The following MAP2K5 variants were observed in gnomAD, a reference collection of about 807,000 sequenced individuals.
MAP2K5 encodes the protein dual specificity mitogen-activated protein kinase kinase 5.
In MAP2K5, 49 loss-of-function variants were observed where a neutral mutation model predicts 83.1. That is an observed-to-expected ratio of 0.59 (90% CI 0.47 to 0.75). The LOEUF is 0.75. Among genes scored for constraint, MAP2K5 ranks in the 30% least tolerant of loss-of-function variants. The pLI is 0.00. For missense variants in MAP2K5, 457 were observed against 557.5 expected, an observed-to-expected ratio of 0.82 and a Z score of 1.82; for synonymous variants, 202 against 191.8, an observed-to-expected ratio of 1.05 and a Z score of -0.44.
rs762859444 is a variant in MAP2K5, at chr15:67,555,828, G to A, written c.184+5746G>A. ...AGACGCAGTCTCACTCTGTCGCCCA[G>A]GCTGGAGTGCAGTGGTGTGATCTCG... On this transcript the variant is annotated intron_variant, in intron 2 of 21. Coordinates refer to ENST00000178640, the MANE Select transcript of MAP2K5 (RefSeq NM_145160.3). This position sits in a 1 kb window ranked among gnomAD's most constrained non-coding sequence, Gnocchi z 5.2. 2.2e-4 allele frequency among the ~76,000 whole-genome samples: 33 copies of A among 151,164 alleles called. No individual in the cohort carries two copies. The highest frequency in any genetic ancestry group is 5.9e-4 in the Admixed American group (9 of 15,184).
chr15:67,714,090 A>G (rs2088767880), intron 16 of MAP2K5, among the ~76,000 whole-genome samples: 1 of 152,176 alleles, frequency 6.6e-6, no homozygotes, highest in African/African-American at 2.4e-5. Flanking sequence ...GCTGGGATAC[A>G]TTGGCAAACA....
In MAP2K5 at chr15:67,651,788, C is replaced by A. The variant is rs1045674637; in HGVS notation, c.736+5319C>A. On this transcript the variant is annotated intron_variant, in intron 11 of 21. Coordinates refer to ENST00000178640, the MANE Select transcript of MAP2K5 (RefSeq NM_145160.3). Reference sequence around the variant, plus strand: ...ATGGACACTCAGATTGATTTCATATCTTGGCTATTGTGAATAGTGCTGCAG... The same window carrying A: ...ATGGACACTCAGATTGATTTCATATATTGGCTATTGTGAATAGTGCTGCAG... Among the ~76,000 whole-genome samples the A allele has an allele frequency of 3.7e-4, 57 of 152,114 alleles. 1 individual carries two copies. Among genetic ancestry groups the A allele is most frequent in the African/African-American group, 1.4e-3 (57 of 41,422 alleles).
At position 67,561,651 on chromosome 15, in the gene MAP2K5, A is replaced by T. The variant is rs1477436897; in HGVS notation, c.185-1632A>T. Among the ~76,000 whole-genome samples the T allele has an allele frequency of 6.6e-6, 1 of 152,204 alleles. No homozygotes were observed. The highest frequency in any genetic ancestry group is 1.9e-4 in the East Asian group (1 of 5,196). ...AGAAACAAGTGCTTGGAAAGAAAAC[A>T]AGTGCTTGGAAAGAGTGAGAGCTAT... On this transcript the variant is annotated intron_variant, in intron 2 of 21. Coordinates refer to ENST00000178640, the MANE Select transcript of MAP2K5 (RefSeq NM_145160.3). This position sits in a 1 kb window ranked among gnomAD's most constrained non-coding sequence, Gnocchi z 4.2.
chr15:67,805,764 A>C (rs2090792418), intron 21 of MAP2K5, among the ~76,000 whole-genome samples: 1 of 152,322 alleles, frequency 6.6e-6, no homozygotes, highest in East Asian at 1.9e-4. Flanking sequence ...ACTTGGTGTA[A>C]GTTCCTGGGC....
At chr15:67,588,704 G>T (rs1218754486) in intron 6 of MAP2K5, among the ~76,000 whole-genome samples, 1 of 152,200 alleles carries the variant, frequency 6.6e-6, no homozygotes, top group Non-Finnish European at 1.5e-5. Context: ...TTTCTGATAT[G>T]ACATTATTTC....
intron 17 of MAP2K5, among the ~76,000 whole-genome samples, chr15:67,730,982 T>C (rs1221052507): frequency 6.6e-6 from 1 of 152,168 alleles, no homozygotes; most frequent in Non-Finnish European, 1.5e-5. Context: ...TTCTATCTGA[T>C]TAAAGGAGGT....
At chr15:67,680,633 C>G (rs2087794424) in intron 13 of MAP2K5, among the ~76,000 whole-genome samples, 1 of 152,208 alleles carries the variant, frequency 6.6e-6, no homozygotes, top group Non-Finnish European at 1.5e-5. Context: ...CTCTTCCATT[C>G]TTTCTGCTCA....
intron 9 of MAP2K5, among the ~76,000 whole-genome samples, chr15:67,643,153 G>A (rs956724318): frequency 6.6e-6 from 1 of 152,104 alleles, no homozygotes; most frequent in African/African-American, 2.4e-5. Flanking sequence ...CCAGGGTTGA[G>A]AACCATTGAT....
rs759813172 is a variant in MAP2K5, at chr15:67,724,317, TGC to T, written c.1045-3598_1045-3597del. Among the ~76,000 whole-genome samples, 4 of 152,344 alleles carry T rather than the reference TGC, an allele frequency of 2.6e-5. No individual in the cohort carries two copies. Among genetic ancestry groups the T allele is most frequent in the Admixed American group, 6.5e-5 (1 of 15,306 alleles). On this transcript the variant is annotated intron_variant, in intron 16 of 21. Coordinates refer to ENST00000178640, the MANE Select transcript of MAP2K5 (RefSeq NM_145160.3). The surrounding 1 kb of genome is among the most constrained non-coding windows in gnomAD (Gnocchi z 4.4). ...GTGAAATATTCACTTGGAGCATATG[TGC>T]TCCTTCTTCCCCATAAGGGTCCCAT...
intron 21 of MAP2K5, among the ~76,000 whole-genome samples, chr15:67,798,204 A>G (rs2090638600): frequency 6.6e-6 from 1 of 152,120 alleles, no homozygotes; most frequent in Admixed American, 6.5e-5. Flanking sequence ...TCTGGAGCAG[A>G]TGTCCATTCT....
chr15:67,586,727 G>T lies in MAP2K5; in HGVS notation c.364-119G>T. 4.5e-6 allele frequency: 4 copies of T among 882,602 alleles called. No individual in the cohort carries two copies. In the South Asian group the frequency reaches 5.4e-5, roughly 12 times the overall value. 54.7% of individuals were successfully genotyped at this position (882,602 alleles called of 1,614,324 possible). A position where few individuals can be genotyped will look rare whatever the true frequency, so the allele number is the denominator to read the frequency against. On this transcript the variant is annotated intron_variant, in intron 5 of 21. Transcript: ENST00000178640. ...CTGAATAGACTCCAACTGTGGGTTT[G>T]TCTAGCAACAAGCTAATTAACCTTC... is the stretch of plus-strand genomic sequence containing the variant.
chr15:67,759,296 T>C (rs12902505), intron 19 of MAP2K5, among the ~76,000 whole-genome samples: 135,112 of 152,050 alleles, frequency 0.89, 60,118 homozygotes, highest in Middle Eastern at 0.92. Flanking sequence ...CGGTGGCTCA[T>C]GCCTGTAATC....
chr15:67,679,098 G>A (rs1033087557), intron 13 of MAP2K5, among the ~76,000 whole-genome samples: 5 of 152,122 alleles, frequency 3.3e-5, no homozygotes, highest in African/African-American at 1.2e-4. Flanking sequence ...TCGGCACCCA[G>A]CCAGATCCTA....
chr15:67,599,568 T>C (rs1713464164), intron 7 of MAP2K5, among the ~76,000 whole-genome samples: 1 of 152,186 alleles, frequency 6.6e-6, no homozygotes, highest in Admixed American at 6.5e-5. Context: ...TAGAGCAAAA[T>C]ATTTAAAGCT....
At chr15:67,620,479 G>C (rs1340507890) in intron 8 of MAP2K5, among the ~76,000 whole-genome samples, 1 of 152,118 alleles carries the variant, frequency 6.6e-6, no homozygotes, top group Non-Finnish European at 1.5e-5. Context: ...TAAGGCAATA[G>C]AGTAGTTGAT....
rs2090342285 is a variant in MAP2K5, at chr15:67,782,348, T to C, written c.1242+9596T>C. Among the ~76,000 whole-genome samples the C allele has an allele frequency of 6.6e-6, 1 of 152,226 alleles. No homozygotes were observed. Among genetic ancestry groups the C allele is most frequent in the African/African-American group, 2.4e-5 (1 of 41,462 alleles). ...ACTGCAATTAAGGCAAATCTGCCGA[T>C]GTAAACAAAATTTAGCAGAAACAGA... On this transcript the variant is annotated intron_variant, in intron 21 of 21. Transcript: ENST00000178640. This position sits in a 1 kb window ranked among gnomAD's most constrained non-coding sequence, Gnocchi z 4.9.
chr15:67,792,363 A>C (rs939156930), intron 21 of MAP2K5, among the ~76,000 whole-genome samples: 2 of 152,220 alleles, frequency 1.3e-5, no homozygotes, highest in African/African-American at 2.4e-5. Context: ...TCTTTGAAAC[A>C]CTTGGATACA....
chr15:67,797,740 T>C (rs983035353), intron 21 of MAP2K5, among the ~76,000 whole-genome samples: 6 of 152,182 alleles, frequency 3.9e-5, no homozygotes, highest in Non-Finnish European at 7.3e-5. Flanking sequence ...TGGAGTGCAG[T>C]GGCGTGATCT....
intron 15 of MAP2K5, among the ~76,000 whole-genome samples, chr15:67,703,126 T>G (rs1201883199): frequency 6.6e-6 from 1 of 152,198 alleles, no homozygotes; most frequent in Non-Finnish European, 1.5e-5. Context: ...TTGGTGAGGA[T>G]TCAGTAAGAA....
Sources: gnomAD v4.1 joint callset for allele counts (sites outside exome capture counted in the v4.1 genomes callset) on GRCh38, gnomAD v4.1.1 for gene constraint, Gnocchi (gnomAD v3.1) non-coding constraint, MANE v1.5 for transcripts, NCBI Gene and HGNC (gene_info 2026-07-23, HGNC 2026-07-21) for gene names.